ANO3: variants seen among roughly 807,000 people sequenced by gnomAD.
ANO3 encodes the protein anoctamin 3.
ANO3 carries 99 observed loss-of-function variants against 144.8 expected under a neutral mutation model. That is an observed-to-expected ratio of 0.68 (90% CI 0.58 to 0.81). ANO3 has a LOEUF of 0.81. ANO3 is among the 30% of genes least tolerant of loss of function. ANO3 has a pLI of 0.00. For missense variants in ANO3, 905 were observed against 1,202.2 expected, an observed-to-expected ratio of 0.75 and a Z score of 3.66; for synonymous variants, 414 against 392.6, an observed-to-expected ratio of 1.05 and a Z score of -0.64.
chr11:26,313,132 C>G (rs954000928), intron 1 of ANO3, among the ~76,000 whole-genome samples: 1 of 152,064 alleles, frequency 6.6e-6, no homozygotes, highest in Non-Finnish European at 1.5e-5. Flanking sequence ...CCTAGCATAT[C>G]GATGCAAAAT....
intron 1 of ANO3, among the ~76,000 whole-genome samples, chr11:26,361,836 G>T (rs551864282): frequency 6.6e-6 from 1 of 152,194 alleles, no homozygotes; most frequent in Non-Finnish European, 1.5e-5. Context: ...TTCTGCCTCT[G>T]CCTGTGGGTG....
intron 4 of ANO3, among the ~76,000 whole-genome samples, chr11:26,474,428 T>G (rs1335385988): frequency 5.3e-5 from 8 of 151,934 alleles, no homozygotes. Context: ...AATGGTTTTT[T>G]ATTCAAAAAC....
At chr11:26,568,892 T>A (rs1469595463) in intron 14 of ANO3, among the ~76,000 whole-genome samples, 5 of 152,104 alleles carry the variant, frequency 3.3e-5, no homozygotes, top group Admixed American at 6.6e-5. Context: ...CGGCATGTGA[T>A]CTAATTTGTC....
chr11:26,313,557 C>T (rs1041276223), intron 1 of ANO3, among the ~76,000 whole-genome samples: 9 of 151,796 alleles, frequency 5.9e-5, no homozygotes, highest in Non-Finnish European at 8.8e-5. Flanking sequence ...CGTGGTGGTG[C>T]GTGCCTATAG....
chr11:26,211,167 A>G (rs1283286425), intron 1 of ANO3, among the ~76,000 whole-genome samples: 1 of 152,184 alleles, frequency 6.6e-6, no homozygotes. Context: ...CTCTTAGAAC[A>G]CAGTGCAATC....
intron 1 of ANO3, among the ~76,000 whole-genome samples, chr11:26,365,043 G>C (rs1385098905): frequency 6.6e-6 from 1 of 152,156 alleles, no homozygotes; most frequent in Non-Finnish European, 1.5e-5. Flanking sequence ...AGATACAATG[G>C]GGGTATTGGC....
At chr11:26,634,364 A>G (rs1286025341) in intron 19 of ANO3, 49 bp downstream of exon 19, 1 of 1,201,464 alleles carries the variant, frequency 8.3e-7, no homozygotes, top group South Asian at 1.3e-5. Context: ...AAACACAGTC[A>G]ATAGTTTAAT....
upstream of ANO3, among the ~76,000 whole-genome samples, chr11:26,328,650 T>C (rs1854952675): frequency 6.6e-6 from 1 of 152,072 alleles, no homozygotes; most frequent in Non-Finnish European, 1.5e-5. Flanking sequence ...GCAAAGTTAA[T>C]TACTTAAGGA....
intron 18 of ANO3, among the ~76,000 whole-genome samples, chr11:26,629,771 A>C (rs1565153376): frequency 6.6e-6 from 1 of 151,992 alleles, no homozygotes. Context: ...AGCTGGGATT[A>C]CAGGCGTGCA....
At chr11:26,368,836 A>C (rs577862618) in intron 1 of ANO3, among the ~76,000 whole-genome samples, 1 of 152,206 alleles carries the variant, frequency 6.6e-6, no homozygotes, top group Non-Finnish European at 1.5e-5. Flanking sequence ...AGTACTCTAT[A>C]ATAAAAATGC....
At chr11:26,270,837 A>G (rs928836219) in intron 1 of ANO3, among the ~76,000 whole-genome samples, 3 of 152,220 alleles carry the variant, frequency 2.0e-5, no homozygotes, top group African/African-American at 7.2e-5. Flanking sequence ...AGCATATGCA[A>G]ACGAAGATGG....
intron 14 of ANO3, among the ~76,000 whole-genome samples, chr11:26,580,370 T>C (rs1488648460): frequency 6.6e-6 from 1 of 152,214 alleles, no homozygotes; most frequent in Admixed American, 6.5e-5. Flanking sequence ...AATTCATCAC[T>C]GGCAGTATTA....
chr11:26,384,255 A>G (rs986148301), intron 1 of ANO3, among the ~76,000 whole-genome samples: 1 of 152,070 alleles, frequency 6.6e-6, no homozygotes, highest in Non-Finnish European at 1.5e-5. Flanking sequence ...ATATATGTGT[A>G]TATGTACAAA....
At chr11:26,236,597 T>A (rs1279967505) in intron 1 of ANO3, among the ~76,000 whole-genome samples, 1 of 152,084 alleles carries the variant, frequency 6.6e-6, no homozygotes. Context: ...GGTGGGCGGA[T>A]CACGAGGTCA....
At chr11:26,565,989 C>T in intron 14 of ANO3, 1 of 1,218,966 alleles carries the variant, frequency 8.2e-7, no homozygotes, top group Non-Finnish European at 1.1e-6. Flanking sequence ...AAAATCTAGA[C>T]ATAATATAGA....
chr11:26,436,989 A>G (rs1054024094), intron 1 of ANO3, among the ~76,000 whole-genome samples: 1 of 152,056 alleles, frequency 6.6e-6, no homozygotes, highest in African/African-American at 2.4e-5. Flanking sequence ...GCCAGAGGGC[A>G]TCAACAGCTA....
intron 4 of ANO3, among the ~76,000 whole-genome samples, chr11:26,491,659 G>A (rs1160586418): frequency 2.0e-5 from 3 of 152,082 alleles, no homozygotes. Flanking sequence ...TATTACTCTT[G>A]GTTATGGAAA....
At chr11:26,310,396 G>T (rs559875123) in intron 1 of ANO3, among the ~76,000 whole-genome samples, 4 of 152,226 alleles carry the variant, frequency 2.6e-5, no homozygotes, top group Admixed American at 2.6e-4. Flanking sequence ...CATTCAGAAG[G>T]TAGCTATTCA....
At chr11:26,625,624 T>C (rs75003497) in intron 18 of ANO3, among the ~76,000 whole-genome samples, 1,866 of 152,276 alleles carry the variant, frequency 0.012, 43 homozygotes, top group African/African-American at 0.042. Flanking sequence ...TTACATACTT[T>C]TCTTAATTTA....
Sources: gnomAD v4.1 joint callset for allele counts (sites outside exome capture counted in the v4.1 genomes callset) on GRCh38, gnomAD v4.1.1 for gene constraint, MANE v1.5 for transcripts, NCBI Gene and HGNC (gene_info 2026-07-23, HGNC 2026-07-21) for gene names.